Variants in DYM observed in about 807,000 individuals in gnomAD.
DYM encodes dyggve-Melchior-Clausen syndrome protein.
Under a neutral mutation model 93.1 loss-of-function variants are expected in DYM, and 78 were observed. That is an observed-to-expected ratio of 0.84 (90% CI 0.70 to 1.01). DYM has a LOEUF of 1.01. DYM is among the 50% of genes least tolerant of loss of function. The pLI is 0.00. For missense variants in DYM, 789 were observed against 845.0 expected, an observed-to-expected ratio of 0.93 and a Z score of 0.82; for synonymous variants, 321 against 319.7, an observed-to-expected ratio of 1.00 and a Z score of -0.04.
At chr18:49,210,161 A>T (rs1360662788) in intron 13 of DYM, among the ~76,000 whole-genome samples, 1 of 152,200 alleles carries the variant, frequency 6.6e-6, no homozygotes, top group African/African-American at 2.4e-5. Flanking sequence ...GTTTCTTATA[A>T]AACTAAATAT....
intron 2 of DYM, among the ~76,000 whole-genome samples, chr18:49,394,256 T>A (rs1266558521): frequency 6.6e-6 from 1 of 152,172 alleles, no homozygotes; most frequent in Non-Finnish European, 1.5e-5. Flanking sequence ...TCCTCATATA[T>A]AAAACAGAAA....
At chr18:49,128,407 C>G (rs1269297275) in intron 15 of DYM, among the ~76,000 whole-genome samples, 1 of 152,132 alleles carries the variant, frequency 6.6e-6, no homozygotes, top group Non-Finnish European at 1.5e-5. Context: ...AAAAAGAAAT[C>G]CCTTTCCACA....
At chr18:49,209,277 A>G (rs1267013262) in intron 14 of DYM, among the ~76,000 whole-genome samples, 1 of 152,178 alleles carries the variant, frequency 6.6e-6, no homozygotes, top group African/African-American at 2.4e-5. Flanking sequence ...AGATTCCCAA[A>G]TGGAATGCGG....
intron 12 of DYM, among the ~76,000 whole-genome samples, chr18:49,257,574 G>A (rs1005864964): frequency 3.9e-5 from 6 of 152,028 alleles, no homozygotes; most frequent in African/African-American, 1.5e-4. Flanking sequence ...AGGGGCTCAC[G>A]CCTGTAATCC....
intron 17 of DYM, among the ~76,000 whole-genome samples, chr18:49,059,512 A>T (rs1418440416): frequency 6.6e-6 from 1 of 152,178 alleles, no homozygotes; most frequent in Admixed American, 6.5e-5. Flanking sequence ...CACCTGGTTG[A>T]TGGGTCTGCA....
intron 1 of DYM, among the ~76,000 whole-genome samples, chr18:49,443,648 C>T (rs1356474385): frequency 2.6e-5 from 4 of 152,182 alleles, no homozygotes; most frequent in African/African-American, 9.7e-5. Flanking sequence ...TGCCCTGCCA[C>T]ACAGCATTCA....
intron 17 of DYM, among the ~76,000 whole-genome samples, chr18:49,092,777 G>T (rs1208672690): frequency 6.6e-6 from 1 of 152,194 alleles, no homozygotes; most frequent in Admixed American, 6.5e-5. Flanking sequence ...AGAAGGAGAA[G>T]GGTGGTAGAA....
At chr18:49,329,993 T>C (rs1022878863) in intron 8 of DYM, among the ~76,000 whole-genome samples, 1 of 152,228 alleles carries the variant, frequency 6.6e-6, no homozygotes, top group Non-Finnish European at 1.5e-5. Context: ...TGATTGACTT[T>C]CCTGGAATGT....
intron 8 of DYM, among the ~76,000 whole-genome samples, chr18:49,307,559 TGAG>T (rs1413637116): frequency 6.6e-6 from 1 of 152,152 alleles, no homozygotes; most frequent in Non-Finnish European, 1.5e-5. Flanking sequence ...TCAGCTAAAA[TGAG>T]GAAGGGGTAC....
intron 8 of DYM, among the ~76,000 whole-genome samples, chr18:49,317,646 C>CCT (rs2062090159): frequency 4.4e-4 from 16 of 36,608 alleles, no homozygotes; most frequent in South Asian, 3.0e-3. Flanking sequence ...ATCCTCTCCT[C>CCT]TCCTTCCTTC....
intron 17 of DYM, among the ~76,000 whole-genome samples, chr18:49,089,012 G>C (rs1013808588): frequency 6.6e-6 from 1 of 152,054 alleles, no homozygotes; most frequent in African/African-American, 2.4e-5. Context: ...TTTCCAGGCT[G>C]GTCTCAAACT....
intron 14 of DYM, among the ~76,000 whole-genome samples, chr18:49,190,808 A>G (rs1321720344): frequency 1.3e-5 from 2 of 152,132 alleles, no homozygotes; most frequent in African/African-American, 4.8e-5. Flanking sequence ...TCCTCGGCCT[A>G]TTCAGTGTGA....
intron 2 of DYM, 71 bp from the exon 3 acceptor site, chr18:49,391,716 A>G: frequency 7.7e-7 from 1 of 1,297,378 alleles, no homozygotes. Flanking sequence ...TCAGTTAAAG[A>G]AATATATAAA....
chr18:49,357,312 G>A (rs1471180135), intron 6 of DYM, among the ~76,000 whole-genome samples: 1 of 152,060 alleles, frequency 6.6e-6, no homozygotes. Flanking sequence ...ATGTTTTTGA[G>A]GATGACCTGA....
intron 2 of DYM, among the ~76,000 whole-genome samples, chr18:49,404,821 C>T (rs1434000057): frequency 1.3e-5 from 2 of 151,978 alleles, no homozygotes; most frequent in African/African-American, 4.8e-5. Flanking sequence ...AGTTCGAGAC[C>T]AGCCTGACCA....
chr18:49,354,149 G>A (rs899103029), intron 6 of DYM, among the ~76,000 whole-genome samples: 12 of 151,968 alleles, frequency 7.9e-5, no homozygotes, highest in African/African-American at 2.7e-4. Context: ...TGACAAAGAA[G>A]CAAAGACAGT....
At chr18:49,257,150 A>G in intron 12 of DYM, 46 bp from the exon 13 acceptor site, 1 of 1,449,090 alleles carries the variant, frequency 6.9e-7, no homozygotes, top group Non-Finnish European at 9.7e-7. Flanking sequence ...AGTCTTCTCT[A>G]TATTTTAACC....
intron 2 of DYM, among the ~76,000 whole-genome samples, chr18:49,418,888 G>C (rs957375113): frequency 1.3e-5 from 2 of 152,012 alleles, no homozygotes; most frequent in Non-Finnish European, 2.9e-5. Flanking sequence ...CAGACCAAAA[G>C]TATATGCAAC....
chr18:49,320,767 C>A, intron 8 of DYM, among the ~76,000 whole-genome samples: 1 of 152,156 alleles, frequency 6.6e-6, no homozygotes, highest in Non-Finnish European at 1.5e-5. Context: ...GCCACCGTGG[C>A]TGGCCTGATT....
Sources: gnomAD v4.1 joint callset for allele counts (sites outside exome capture counted in the v4.1 genomes callset) on GRCh38, gnomAD v4.1.1 for gene constraint, MANE v1.5 for transcripts, NCBI Gene and HGNC (gene_info 2026-07-23, HGNC 2026-07-21) for gene names.